Variants in TRAPPC10 observed in about 807,000 individuals in gnomAD.
TRAPPC10 encodes the protein trafficking protein particle complex subunit 10.
Under a neutral mutation model 125.5 loss-of-function variants are expected in TRAPPC10, and 23 were observed. The ratio of observed to expected loss-of-function variants is 0.18; its 90% CI spans 0.13 to 0.26. The LOEUF (loss-of-function observed/expected upper bound fraction) is 0.26. Ranked by LOEUF, TRAPPC10 falls within the 10% of genes least tolerant of loss-of-function variation. The pLI is 1.00. For synonymous variants in TRAPPC10, 509 were observed against 518.0 expected (o/e 0.98, Z 0.24); for missense variants, 1,123 against 1,308.4 (o/e 0.86, Z 2.19).
intron 2 of TRAPPC10, among the ~76,000 whole-genome samples, chr21:44,034,332 A>ACCCCCCCCC (rs71197877): frequency 5.9e-5 from 6 of 101,548 alleles, no homozygotes; most frequent in Admixed American, 1.0e-4. Flanking sequence ...CACTCCCCCA[A>ACCCCCCCCC]CCCCCCCCCC....
rs376383994 is a variant in TRAPPC10 at position 44,063,813 on chromosome 21, C to T, written c.1038+28C>T. On this transcript the variant is annotated intron_variant, in intron 7 of 22. Coordinates refer to ENST00000291574, the MANE Select transcript of TRAPPC10 (RefSeq NM_003274.5). The surrounding 1 kb of genome is among the most constrained non-coding windows in gnomAD (Gnocchi z 4.4). ...GAGTCGGCTGTTTTCCCAATTTACCCGTTTCTTGATTGTTCCAGCAGAAAT... is the reference window on the plus strand; with the variant it reads ...GAGTCGGCTGTTTTCCCAATTTACCTGTTTCTTGATTGTTCCAGCAGAAAT... 51 of 1,600,994 alleles carry T rather than the reference C, an allele frequency of 3.2e-5. No homozygotes were observed. Among genetic ancestry groups the T allele is most frequent in the African/African-American group, 1.7e-4 (13 of 74,534 alleles).
At chr21:44,064,008 A>G (rs2036244048) in intron 7 of TRAPPC10, among the ~76,000 whole-genome samples, 3 of 152,214 alleles carry the variant, frequency 2.0e-5, no homozygotes, top group Admixed American at 2.0e-4. Context: ...GCCGGTCCAG[A>G]GCAAGCCTCT....
At chr21:44,076,412 G>A in intron 9 of TRAPPC10, 140 bp from the exon 10 acceptor site, 1 of 624,116 alleles carries the variant, frequency 1.6e-6, no homozygotes, top group Non-Finnish European at 2.9e-6. Flanking sequence ...TAATCATGTA[G>A]TTTCCGTTGG....
Position 44,091,998 on chromosome 21 carries a change from C to T in TRAPPC10, c.2946C>T (p.Thr982=), listed in dbSNP as rs977108515. The T allele has an allele frequency of 7.4e-6, 12 of 1,613,970 alleles. No individual in the cohort carries two copies. The highest frequency in any genetic ancestry group is 3.3e-5 in the South Asian group (3 of 91,084). ...TGTCAGATAGTTATCTTGTAGATAC[C>T]GGTGATAGTACCGACCTGCAACTAG... is the stretch of plus-strand genomic sequence containing the variant. The part of the protein sequence containing the change: ...FQLSDSYLVD[T]GDSTDLQLVP... The change falls in exon 19 of 23, where the codon ACC becomes ACT. Residue 982 remains threonine (T), a synonymous_variant. Coordinates refer to ENST00000291574, the MANE Select transcript of TRAPPC10 (RefSeq NM_003274.5).
rs1454556041 is a variant in TRAPPC10 at position 44,087,126 on chromosome 21, C to G, written c.2539+166C>G. Among the ~76,000 whole-genome samples the G allele has an allele frequency of 6.6e-6, 1 of 152,208 alleles. No individual in the cohort carries two copies. The highest frequency in any genetic ancestry group is 2.4e-5 in the African/African-American group (1 of 41,448). The stretch of plus-strand genomic sequence containing the variant: ...GCGGCCTGATGCCTGTGCTGGGGTC[C>G]CATCTGAGGTGATAAACTGAGAGTG... On this transcript the variant is annotated intron_variant, in intron 16 of 22. Transcript: ENST00000291574. The surrounding 1 kb of genome is among the most constrained non-coding windows in gnomAD (Gnocchi z 4.6).
chr21:44,041,321 C>T (rs1007715343), intron 3 of TRAPPC10, among the ~76,000 whole-genome samples: 2 of 151,360 alleles, frequency 1.3e-5, no homozygotes, highest in African/African-American at 4.9e-5. Flanking sequence ...TTGGAAATTA[C>T]GTATTTCGGT....
intron 3 of TRAPPC10, among the ~76,000 whole-genome samples, chr21:44,045,881 T>C (rs1345443325): frequency 1.3e-5 from 2 of 152,128 alleles, no homozygotes; most frequent in Non-Finnish European, 2.9e-5. Flanking sequence ...TATATTGGTT[T>C]TTAACAGTTT....
chr21:44,032,948 A>T (rs189565019), intron 2 of TRAPPC10, among the ~76,000 whole-genome samples: 207 of 152,266 alleles, frequency 1.4e-3, no homozygotes, highest in Non-Finnish European at 2.5e-3. Flanking sequence ...AAACAGAAAG[A>T]TGGTATTTAA....
At chr21:44,054,949 G>A (rs1414205540) in intron 4 of TRAPPC10, among the ~76,000 whole-genome samples, 6 of 152,136 alleles carry the variant, frequency 3.9e-5, no homozygotes, top group African/African-American at 1.4e-4. Flanking sequence ...AGCGGGAGAA[G>A]GTCAGCAGGC....
chr21:44,062,971 A>G, intron 6 of TRAPPC10: 1 of 1,302,752 alleles, frequency 7.7e-7, no homozygotes, highest in Non-Finnish European at 1.0e-6. Context: ...AACCTCTGGG[A>G]GCCTTGCTGA....
At chr21:44,050,025 G>A (rs1287736813) in intron 3 of TRAPPC10, among the ~76,000 whole-genome samples, 4 of 151,884 alleles carry the variant, frequency 2.6e-5, no homozygotes, top group Non-Finnish European at 4.4e-5. Context: ...GACTACAGGC[G>A]CCCACCACCA....
intron 1 of TRAPPC10, among the ~76,000 whole-genome samples, chr21:44,024,682 A>C (rs188269579): frequency 1.3e-5 from 2 of 152,274 alleles, no homozygotes; most frequent in Non-Finnish European, 1.5e-5. Context: ...ATTTAAGTTC[A>C]CTTGTTTTAT....
intron 6 of TRAPPC10, chr21:44,060,078 G>A (rs540434529): frequency 6.5e-6 from 1 of 154,270 alleles, no homozygotes; most frequent in East Asian, 1.9e-4. Flanking sequence ...GGGACGGTCA[G>A]TTCTAGCTGT....
intron 19 of TRAPPC10, among the ~76,000 whole-genome samples, chr21:44,093,276 TG>T (rs944070599): frequency 6.7e-6 from 1 of 149,870 alleles, no homozygotes; most frequent in Admixed American, 6.6e-5. Flanking sequence ...CTGAGCAACG[TG>T]GCAAACCCCA....
intron 13 of TRAPPC10, among the ~76,000 whole-genome samples, chr21:44,080,534 CT>C (rs1367971170): frequency 7.1e-6 from 1 of 141,696 alleles, no homozygotes; most frequent in African/African-American, 3.1e-5. Context: ...ATCTCTTTTT[CT>C]TCTTCTTCTT....
intron 13 of TRAPPC10, among the ~76,000 whole-genome samples, chr21:44,080,531 TTTC>T (rs200147953): frequency 0.032 from 4,831 of 151,844 alleles, 213 homozygotes; most frequent in African/African-American, 0.1. Flanking sequence ...CCCATCTCTT[TTTC>T]TTCTTCTTCT....
rs1161108513 is a variant in TRAPPC10, at chr21:44,087,625, A to G, written c.2540-74A>G. On this transcript the variant is annotated intron_variant, in intron 16 of 22. Coordinates refer to ENST00000291574, the MANE Select transcript of TRAPPC10 (RefSeq NM_003274.5). The surrounding 1 kb of genome is among the most constrained non-coding windows in gnomAD (Gnocchi z 4.6). ...TGAGCAGTGGCCTCACTGCTGGGCCATCACCTGCTGTAAGGAAAAGGACAA... is the reference window on the plus strand; with the variant it reads ...TGAGCAGTGGCCTCACTGCTGGGCCGTCACCTGCTGTAAGGAAAAGGACAA... The G allele has an allele frequency of 1.4e-6, 2 of 1,388,324 alleles. No individual in the cohort carries two copies. The allele number at this position is 1,388,324 out of a possible 1,614,324, so 86.0% of individuals were successfully genotyped here.
Position 44,063,738 on chromosome 21 carries a change from G to T in TRAPPC10, c.991G>T (p.Ala331Ser), listed in dbSNP as rs1569184491. 2 of 1,614,102 alleles carry T rather than the reference G, an allele frequency of 1.2e-6. No individual in the cohort carries two copies. Among genetic ancestry groups the T allele is most frequent in the Non-Finnish European group, 1.7e-6 (2 of 1,180,030 alleles). ...LQRPWEVAQR[A>S]LELLHNCVQE... Reference sequence around the variant, plus strand: ...GAGGCCGTGGGAGGTGGCCCAGCGCGCCCTAGAGCTGCTGCACAACTGCGT... The same window carrying T: ...GAGGCCGTGGGAGGTGGCCCAGCGCTCCCTAGAGCTGCTGCACAACTGCGT... The change falls in exon 7 of 23, where the codon GCC becomes TCC. Residue 331 changes from alanine to serine, a missense_variant. By Grantham distance (99) the Ala-to-Ser change is moderately conservative. This residue lies in a region of TRAPPC10 where 840 missense variants were observed against 902.0 expected (regional missense o/e 0.93). Coordinates refer to ENST00000291574, the MANE Select transcript of TRAPPC10 (RefSeq NM_003274.5). This position sits in a 1 kb window ranked among gnomAD's most constrained non-coding sequence, Gnocchi z 4.4.
At chr21:44,083,455 GTT>G (rs1339267954) in intron 14 of TRAPPC10, among the ~76,000 whole-genome samples, 153 bp downstream of exon 14, 2 of 152,128 alleles carry the variant, frequency 1.3e-5, no homozygotes, top group Non-Finnish European at 2.9e-5. Flanking sequence ...ATACACTGAT[GTT>G]TTCTTTCGTG....
Sources: gnomAD v4.1 joint callset for allele counts (sites outside exome capture counted in the v4.1 genomes callset) on GRCh38, gnomAD v4.1.1 for gene constraint, gnomAD v4.1.1 regional missense constraint, Gnocchi (gnomAD v3.1) non-coding constraint, MANE v1.5 for transcripts, NCBI Gene and HGNC (gene_info 2026-07-23, HGNC 2026-07-21) for gene names.